The following CDH18 variants were observed in gnomAD, a reference collection of about 807,000 sequenced individuals.
CDH18 encodes the protein cadherin 18.
In CDH18, 31 loss-of-function variants were observed where a neutral mutation model predicts 67.9. That is an observed-to-expected ratio of 0.46 (90% confidence interval 0.34 to 0.62). The LOEUF (loss-of-function observed/expected upper bound fraction) is 0.62, where lower values mean the gene tolerates loss of function less well. Among genes scored for constraint, CDH18 ranks in the 20% least tolerant of loss-of-function variants. The pLI is 0.01. For missense variants in CDH18, 890 were observed against 975.5 expected, an observed-to-expected ratio of 0.91 and a Z score of 1.17; for synonymous variants, 362 against 347.2, an observed-to-expected ratio of 1.04 and a Z score of -0.48.
intron 2 of CDH18, among the ~76,000 whole-genome samples, chr5:20,165,677 C>T (rs901368700): frequency 1.3e-5 from 2 of 152,026 alleles, no homozygotes; most frequent in Non-Finnish European, 2.9e-5. Context: ...AAATCGTTGA[C>T]TCATTTTCCT....
At chr5:20,557,886 GTTATAGTTATA>G (rs1757991971) in intron 1 of CDH18, among the ~76,000 whole-genome samples, 1 of 101,488 alleles carries the variant, frequency 9.9e-6, no homozygotes, top group African/African-American at 4.0e-5. Flanking sequence ...AACATTAAAT[GTTATAGTTATA>G]TAACATTTAA....
chr5:19,538,585 T>G (rs1036821902), intron 9 of CDH18, among the ~76,000 whole-genome samples: 1 of 152,164 alleles, frequency 6.6e-6, no homozygotes, highest in Non-Finnish European at 1.5e-5. Context: ...AAATAAACGT[T>G]AGTGAGCTAA....
chr5:20,195,289 A>C (rs1275931543), intron 2 of CDH18, among the ~76,000 whole-genome samples: 1 of 151,998 alleles, frequency 6.6e-6, no homozygotes. Flanking sequence ...ACATAAATTT[A>C]TGTGCTATTT....
At chr5:20,192,867 G>GT (rs1738658936) in intron 2 of CDH18, among the ~76,000 whole-genome samples, 1 of 152,106 alleles carries the variant, frequency 6.6e-6, no homozygotes, top group South Asian at 2.1e-4. Context: ...ATTTAGAATA[G>GT]TTTTTTCTAA....
chr5:20,575,004 C>G (rs1220894456), intron 1 of CDH18, among the ~76,000 whole-genome samples: 1 of 151,606 alleles, frequency 6.6e-6, no homozygotes, highest in Non-Finnish European at 1.5e-5. Flanking sequence ...CACTAGCAAT[C>G]ACTGAAAAGC....
chr5:20,158,751 A>G (rs1351646190), intron 2 of CDH18: 3 of 168,940 alleles, frequency 1.8e-5, no homozygotes, highest in Non-Finnish European at 4.3e-5. Flanking sequence ...ATTATACATA[A>G]AAGATAAAAG....
intron 5 of CDH18, among the ~76,000 whole-genome samples, chr5:19,665,316 A>C (rs1247408592): frequency 6.6e-6 from 1 of 152,014 alleles, no homozygotes; most frequent in African/African-American, 2.4e-5. Flanking sequence ...ATAATTGGGA[A>C]TAAGTTGTAA....
chr5:19,992,205 T>C (rs894619945), upstream of CDH18, among the ~76,000 whole-genome samples: 15 of 152,118 alleles, frequency 9.9e-5, no homozygotes, highest in Admixed American at 7.2e-4. Context: ...CTTCAATGCA[T>C]GTATAATATC....
intron 5 of CDH18, among the ~76,000 whole-genome samples, chr5:19,715,468 C>A (rs1765232156): frequency 6.6e-6 from 1 of 152,030 alleles, no homozygotes; most frequent in African/African-American, 2.4e-5. Flanking sequence ...TGGCAGTTTA[C>A]CTCATCTAGA....
intron 1 of CDH18, among the ~76,000 whole-genome samples, chr5:20,540,300 A>T (rs1251470325): frequency 6.6e-6 from 1 of 151,964 alleles, no homozygotes; most frequent in Non-Finnish European, 1.5e-5. Flanking sequence ...TAAATTTCAA[A>T]AGAAATTTAG....
intron 2 of CDH18, among the ~76,000 whole-genome samples, chr5:20,007,710 T>TGG (rs1338395531): frequency 6.8e-6 from 1 of 147,992 alleles, no homozygotes; most frequent in Non-Finnish European, 1.5e-5. Flanking sequence ...TGTGTGTGTG[T>TGG]GTGTGTCATA....
intron 2 of CDH18, among the ~76,000 whole-genome samples, chr5:19,860,205 T>C (rs530769947): frequency 6.6e-6 from 1 of 152,210 alleles, no homozygotes; most frequent in Admixed American, 6.5e-5. Flanking sequence ...GACTAAACAG[T>C]GAATAGCCTT....
chr5:20,558,043 A>AATGTTATAGTTATATAAC (rs1561129158), intron 1 of CDH18, among the ~76,000 whole-genome samples: 1 of 147,818 alleles, frequency 6.8e-6, no homozygotes. Flanking sequence ...ATATAACATT[A>AATGTTATAGTTATATAAC]ATTGTTATAT....
chr5:19,857,358 C>A (rs1784420258), intron 2 of CDH18, among the ~76,000 whole-genome samples: 1 of 152,016 alleles, frequency 6.6e-6, no homozygotes, highest in Admixed American at 6.6e-5. Flanking sequence ...TTACCACTTA[C>A]AAGAGACGTG....
chr5:19,960,561 ATGTG>A (rs146985982), intron 2 of CDH18, among the ~76,000 whole-genome samples: 2,235 of 121,396 alleles, frequency 0.018, 54 homozygotes, highest in Non-Finnish European at 0.019. Context: ...GTGTGTGTGT[ATGTG>A]TGTGTGTGTG....
chr5:20,029,665 T>G (rs1000443923), intron 2 of CDH18, among the ~76,000 whole-genome samples: 1 of 152,204 alleles, frequency 6.6e-6, no homozygotes, highest in Non-Finnish European at 1.5e-5. Context: ...TGAAACAGAA[T>G]AGTGAATTTT....
intron 2 of CDH18, among the ~76,000 whole-genome samples, chr5:20,081,069 AT>A (rs1744429243): frequency 6.6e-6 from 1 of 152,122 alleles, no homozygotes; most frequent in Non-Finnish European, 1.5e-5. Context: ...AATAGGTAGT[AT>A]TTACTCAGGA....
At chr5:19,899,426 A>G (rs1415292210) in intron 2 of CDH18, among the ~76,000 whole-genome samples, 7 of 152,082 alleles carry the variant, frequency 4.6e-5, no homozygotes, top group Admixed American at 3.9e-4. Flanking sequence ...ATGTTGTCTC[A>G]CATCTATTAT....
rs149689237 is a variant in CDH18 at position 20,205,232 on chromosome 5, C to T, written c.-518+50212G>A. On this transcript the variant is annotated intron_variant, in intron 2 of 14. Coordinates refer to the CDH18 transcript ENST00000507958. ...GGAAACCGAAAATGAGCAGGAGGAACTATACACATAACATAAAATGACAAA... is the reference window on the plus strand; with the variant it reads ...GGAAACCGAAAATGAGCAGGAGGAATTATACACATAACATAAAATGACAAA... 8.7e-3 allele frequency among the ~76,000 whole-genome samples: 1,321 copies of T among 151,986 alleles called. 21 individuals are homozygous for T. The highest frequency in any genetic ancestry group is 0.029 in the African/African-American group (1,214 of 41,516).
Sources: gnomAD v4.1 joint callset for allele counts (sites outside exome capture counted in the v4.1 genomes callset) on GRCh38, gnomAD v4.1.1 for gene constraint, MANE v1.5 for transcripts, NCBI Gene and HGNC (gene_info 2026-07-23, HGNC 2026-07-21) for gene names.